Variants in CORIN observed in about 807,000 individuals in gnomAD.
The protein encoded by CORIN is atrial natriuretic peptide-converting enzyme.
In CORIN, 117 loss-of-function variants were observed where a neutral mutation model predicts 125.3. The observed-to-expected ratio is 0.93, with a 90% CI of 0.80 to 1.09. The LOEUF is 1.09. Among genes scored for constraint, CORIN ranks in the 50% least tolerant of loss-of-function variants. The pLI, the probability that CORIN is intolerant of heterozygous loss-of-function variation, is 0.00. For missense variants in CORIN, 1,253 were observed against 1,306.7 expected, an observed-to-expected ratio of 0.96 and a Z score of 0.63; for synonymous variants, 450 against 466.4, an observed-to-expected ratio of 0.96 and a Z score of 0.45.
At chr4:47,661,630 C>T (rs1724251876) in intron 12 of CORIN, 81 bp downstream of exon 12, 1 of 1,281,762 alleles carries the variant, frequency 7.8e-7, no homozygotes, top group African/African-American at 1.5e-5. Flanking sequence ...AAACAAGAAG[C>T]CATAAATAGA....
At chr4:47,745,413 G>T (rs1008163768) in intron 4 of CORIN, among the ~76,000 whole-genome samples, 5 of 152,232 alleles carry the variant, frequency 3.3e-5, no homozygotes, top group Non-Finnish European at 7.4e-5. Flanking sequence ...AACTGGGAAA[G>T]AAAATAGACA....
intron 5 of CORIN, among the ~76,000 whole-genome samples, chr4:47,734,576 TTC>T (rs1472039858): frequency 6.6e-6 from 1 of 152,346 alleles, no homozygotes; most frequent in African/African-American, 2.4e-5. Context: ...TCTTTTAACA[TTC>T]TGTTTCTTAC....
intron 12 of CORIN, among the ~76,000 whole-genome samples, chr4:47,655,924 A>T (rs1269494311): frequency 6.6e-6 from 1 of 151,874 alleles, no homozygotes; most frequent in Non-Finnish European, 1.5e-5. Context: ...AAGAACTAGT[A>T]CCAATTCTGC....
chr4:47,716,214 A>T (rs1186740419), intron 5 of CORIN, among the ~76,000 whole-genome samples: 1 of 152,234 alleles, frequency 6.6e-6, no homozygotes, highest in Non-Finnish European at 1.5e-5. Context: ...TGCTCCCAAC[A>T]TCTGTTCTGT....
chr4:47,774,141 T>C (rs576774770), intron 3 of CORIN, among the ~76,000 whole-genome samples: 69 of 152,332 alleles, frequency 4.5e-4, no homozygotes, highest in Middle Eastern at 3.4e-3. Context: ...AAATAAATTT[T>C]TAAAAGTAAG....
At chr4:47,787,318 CCGGT>C (rs1328260800) in intron 2 of CORIN, among the ~76,000 whole-genome samples, 1 of 152,252 alleles carries the variant, frequency 6.6e-6, no homozygotes, top group South Asian at 2.1e-4. Context: ...CTTAATCTCA[CCGGT>C]CATTGTTTGC....
chr4:47,831,795 G>A (rs1255048497), intron 1 of CORIN, among the ~76,000 whole-genome samples: 1 of 151,480 alleles, frequency 6.6e-6, no homozygotes, highest in Non-Finnish European at 1.5e-5. Flanking sequence ...TTGCATATAG[G>A]GTCTTTGCAG....
At chr4:47,835,958 T>C (rs577590555) in intron 1 of CORIN, among the ~76,000 whole-genome samples, 17 of 152,288 alleles carry the variant, frequency 1.1e-4, no homozygotes, top group African/African-American at 3.4e-4. Flanking sequence ...TCATCGTTGG[T>C]CCTGTAAGCC....
At chr4:47,829,599 A>C (rs1732888950) in intron 1 of CORIN, among the ~76,000 whole-genome samples, 3 of 152,192 alleles carry the variant, frequency 2.0e-5, no homozygotes, top group Admixed American at 2.0e-4. Flanking sequence ...TGTCATCTAA[A>C]GTGGGGGCAG....
chr4:47,740,516 A>T (rs959233833), intron 5 of CORIN, among the ~76,000 whole-genome samples: 1 of 151,962 alleles, frequency 6.6e-6, no homozygotes, highest in African/African-American at 2.4e-5. Flanking sequence ...TTTAAAATCT[A>T]TTTGATCAAA....
At position 47,595,522 on chromosome 4, in the gene CORIN, T is replaced by C; in HGVS notation, c.*199A>G. 2.5e-6 allele frequency: 1 copy of C among 400,334 alleles called. No homozygotes were observed. The highest frequency in any genetic ancestry group is 4.4e-6 in the Non-Finnish European group (1 of 227,128). The allele number at this position is 400,334 out of a possible 1,614,324, so 24.8% of individuals were successfully genotyped here. A position where few individuals can be genotyped will look rare whatever the true frequency, so the allele number is the denominator to read the frequency against. ...CTTTTGTAAAGTCTTTCATTGAACT[T>C]GAAATAAGAGAAAAATGAAGGTGAA... On this transcript the variant is annotated 3_prime_UTR_variant, in exon 22 of 22. Coordinates refer to ENST00000273857, the MANE Select transcript of CORIN (RefSeq NM_006587.4).
At chr4:47,745,715 C>A (rs2109839572) in intron 4 of CORIN, among the ~76,000 whole-genome samples, 1 of 152,320 alleles carries the variant, frequency 6.6e-6, no homozygotes, top group African/African-American at 2.4e-5. Flanking sequence ...ATCCAACAAG[C>A]ACATTTACAA....
At chr4:47,689,403 G>A (rs766394068) in intron 6 of CORIN, among the ~76,000 whole-genome samples, 2 of 152,108 alleles carry the variant, frequency 1.3e-5, no homozygotes, top group Non-Finnish European at 2.9e-5. Context: ...TGGTAAGATC[G>A]AAACCTAAGC....
intron 6 of CORIN, among the ~76,000 whole-genome samples, chr4:47,691,175 G>A (rs1032377808): frequency 1.3e-5 from 2 of 152,120 alleles, no homozygotes; most frequent in African/African-American, 4.8e-5. Context: ...TACTATTGAG[G>A]AACATATGAT....
At chr4:47,828,006 A>T (rs1732815569) in intron 1 of CORIN, among the ~76,000 whole-genome samples, 1 of 152,186 alleles carries the variant, frequency 6.6e-6, no homozygotes, top group Non-Finnish European at 1.5e-5. Flanking sequence ...TCCTCTGATC[A>T]GTCTTTTGGG....
intron 10 of CORIN, among the ~76,000 whole-genome samples, chr4:47,667,590 G>A (rs1304287314): frequency 6.6e-6 from 1 of 152,016 alleles, no homozygotes; most frequent in Non-Finnish European, 1.5e-5. Flanking sequence ...AACATCTCCA[G>A]GACTACTTCT....
chr4:47,626,421 CAT>C lies in CORIN; in HGVS notation c.2297_2298del (p.His766ArgfsTer10). On this transcript the variant is annotated frameshift_variant, in exon 17 of 22. Coordinates refer to ENST00000273857, the MANE Select transcript of CORIN (RefSeq NM_006587.4). LOFTEE classifies it high-confidence loss of function. The part of the protein sequence containing the change: ...NWESLNGTTL[H>X]ELLVNGQSCE... ...CATTCTTACCCATTTACTAGAAGTT[CAT>C]GTAAAGTGGTCCCATTGAGGCTCTC... The C allele has an allele frequency of 1.2e-6, 2 of 1,605,882 alleles. No homozygotes were observed. Among genetic ancestry groups the C allele is most frequent in the Non-Finnish European group, 1.7e-6 (2 of 1,172,540 alleles).
rs73150689 is a variant in CORIN, at chr4:47,793,200, T to C, written c.209-6275A>G. Among the ~76,000 whole-genome samples, 366 of 152,252 alleles carry C rather than the reference T, an allele frequency of 2.4e-3. 2 individuals are homozygous for C. The highest frequency in any genetic ancestry group is 8.1e-3 in the African/African-American group (335 of 41,546). ...GTGTTCCCAGAGCACGCACTGGTTA[T>C]ATTGTAGCACATATGCACTCAAGTG... On this transcript the variant is annotated intron_variant, in intron 2 of 21. Coordinates refer to ENST00000273857, the MANE Select transcript of CORIN (RefSeq NM_006587.4).
chr4:47,672,598 C>A (rs1309251206), intron 10 of CORIN, among the ~76,000 whole-genome samples: 2 of 151,946 alleles, frequency 1.3e-5, no homozygotes, highest in African/African-American at 2.4e-5. Flanking sequence ...ACAATGGAAA[C>A]AGTGGCCCAA....
Sources: gnomAD v4.1 joint callset for allele counts (sites outside exome capture counted in the v4.1 genomes callset) on GRCh38, gnomAD v4.1.1 for gene constraint, MANE v1.5 for transcripts, NCBI Gene and HGNC (gene_info 2026-07-23, HGNC 2026-07-21) for gene names.